Variants in ALPK2 observed in about 807,000 individuals in gnomAD.
The protein encoded by ALPK2 is alpha kinase 2.
ALPK2 carries 127 observed loss-of-function variants against 163.1 expected under a neutral mutation model. That is an observed-to-expected ratio of 0.78 (90% CI 0.67 to 0.90). ALPK2 has a LOEUF of 0.90. ALPK2 is among the 40% of genes least tolerant of loss of function. ALPK2 has a pLI of 0.00. For synonymous variants in ALPK2, 953 were observed against 959.1 expected, an observed-to-expected ratio of 0.99 and a Z score of 0.12; for missense variants, 2,360 against 2,589.6, an observed-to-expected ratio of 0.91 and a Z score of 1.92.
intron 10 of ALPK2, among the ~76,000 whole-genome samples, chr18:58,513,474 C>T (rs1017338512): frequency 2.0e-5 from 3 of 152,194 alleles, no homozygotes; most frequent in Non-Finnish European, 4.4e-5. Flanking sequence ...GGCCTATTTA[C>T]TGTGATGCTA....
chr18:58,552,516 A>C (rs1021979742), intron 4 of ALPK2, among the ~76,000 whole-genome samples: 2 of 152,248 alleles, frequency 1.3e-5, no homozygotes, highest in East Asian at 3.8e-4. Context: ...AGAAGGGACA[A>C]GTGTATCAAG....
At chr18:58,603,000 C>T (rs551376828) in intron 3 of ALPK2, among the ~76,000 whole-genome samples, 2 of 152,326 alleles carry the variant, frequency 1.3e-5, no homozygotes, top group East Asian at 3.9e-4. Context: ...AGGAGGCACC[C>T]TCAGTTCCAG....
chr18:58,607,350 G>A lies in ALPK2; in HGVS notation c.199C>T (p.Gln67Ter). 1 of 1,613,272 alleles carries A rather than the reference G, an allele frequency of 6.2e-7. No individual in the cohort carries two copies. The highest frequency in any genetic ancestry group is 8.5e-7 in the Non-Finnish European group (1 of 1,179,556). ...IISNYEFFENQYIHVLHLSCC... is the reference protein window; with the variant it reads ...IISNYEFFEN ...GAGAGATGTAACACATGAATATACT[G>A]ATTCTCAAAGAATTCATAGTTGGAA... Residue 67 changes from glutamine (Q) to a stop codon, truncating the protein, a stop_gained, in exon 3 of 13, where the codon CAG becomes TAG. Coordinates refer to ENST00000361673, the MANE Select transcript of ALPK2 (RefSeq NM_052947.4). LOFTEE classifies it high-confidence loss of function.
chr18:58,522,848 A>G (rs1037138741), intron 8 of ALPK2, among the ~76,000 whole-genome samples: 1 of 152,114 alleles, frequency 6.6e-6, no homozygotes, highest in African/African-American at 2.4e-5. Flanking sequence ...ATGAACTTAC[A>G]ATAGGAAGTA....
intron 3 of ALPK2, among the ~76,000 whole-genome samples, chr18:58,600,186 G>A (rs543246492): frequency 3.9e-5 from 6 of 151,994 alleles, no homozygotes; most frequent in African/African-American, 7.2e-5. Flanking sequence ...ACAGGCTCAC[G>A]CCACCATGCT....
intron 4 of ALPK2, among the ~76,000 whole-genome samples, chr18:58,543,959 C>T (rs2051704486): frequency 6.6e-6 from 1 of 152,190 alleles, no homozygotes; most frequent in African/African-American, 2.4e-5. Context: ...TTCTAAGCTC[C>T]TGAAACACTT....
In ALPK2 at chr18:58,549,693, A is replaced by G. The variant is rs571253844; in HGVS notation, c.1963-11469T>C. 5.9e-5 allele frequency among the ~76,000 whole-genome samples: 9 copies of G among 152,280 alleles called. No individual in the cohort carries two copies. The South Asian group carries it at 1.9e-3, about 32-fold the overall frequency. On this transcript the variant is annotated intron_variant, in intron 4 of 12. Transcript: ENST00000361673. ...GGGCCCCCAATCAGGGATGTGGGAG[A>G]TGAGTGGAAAATAACAAAATTTTCT...
rs1602207398 is a variant in ALPK2 at position 58,537,417 on chromosome 18, T to C, written c.2770A>G (p.Thr924Ala). 6.2e-7 allele frequency: 1 copy of C among 1,613,544 alleles called. No homozygotes were observed. Among genetic ancestry groups the C allele is most frequent in the East Asian group, 2.2e-5 (1 of 44,836 alleles). Residue 924 changes from threonine (T) to alanine (A), a missense_variant, in exon 5 of 13, where the codon ACA becomes GCA. Transcript: ENST00000361673. ...VENSTYPLAS[T>A]VHAGQEQPSP... is the part of the protein sequence containing the mutation. ...GGCTGCTCCTGGCCAGCATGTACTGTGGAGGCCAGTGGGTAGGTGGAATTC... is the reference window on the plus strand; with the variant it reads ...GGCTGCTCCTGGCCAGCATGTACTGCGGAGGCCAGTGGGTAGGTGGAATTC...
At chr18:58,612,651 A>G (rs1187863637) in intron 1 of ALPK2, among the ~76,000 whole-genome samples, 1 of 152,148 alleles carries the variant, frequency 6.6e-6, no homozygotes, top group Non-Finnish European at 1.5e-5. Context: ...GTAAGACACC[A>G]CTGGAGCTTT....
chr18:58,517,119 A>G lies in ALPK2; in HGVS notation c.5729T>C (p.Phe1910Ser), dbSNP rs1201859760. The stretch of plus-strand genomic sequence containing the variant: ...GATCTGACCACGCAGGCGGCCCCCA[A>G]AGTAGCTGTCATGGAGGAAGTCTTC... ...FKEDFLHDSY[F>S]GGRLRGQIAT... Residue 1910 changes from phenylalanine to serine, a missense_variant, in exon 9 of 13, where the codon TTT becomes TCT. Coordinates refer to ENST00000361673, the MANE Select transcript of ALPK2 (RefSeq NM_052947.4). 1.9e-6 allele frequency: 3 copies of G among 1,614,198 alleles called. No homozygotes were observed. The highest frequency in any genetic ancestry group is 1.3e-5 in the African/African-American group (1 of 75,054).
At chr18:58,561,511 A>G (rs1202618540) in intron 4 of ALPK2, among the ~76,000 whole-genome samples, 1 of 152,216 alleles carries the variant, frequency 6.6e-6, no homozygotes, top group Non-Finnish European at 1.5e-5. Flanking sequence ...AAGTGGATGC[A>G]GTTAGTTTAT....
intron 1 of ALPK2, among the ~76,000 whole-genome samples, chr18:58,621,871 A>C (rs528865617): frequency 2.0e-4 from 31 of 152,256 alleles, no homozygotes; most frequent in African/African-American, 7.5e-4. Context: ...TGGGTGCACA[A>C]TTTGTCACAC....
At chr18:58,507,401 TG>T (rs1186783183) in intron 10 of ALPK2, among the ~76,000 whole-genome samples, 1 of 152,152 alleles carries the variant, frequency 6.6e-6, no homozygotes, top group Admixed American at 6.5e-5. Context: ...TAAAGGTAAT[TG>T]TGTAGAATAA....
At chr18:58,545,434 AG>A (rs2051712615) in intron 4 of ALPK2, among the ~76,000 whole-genome samples, 1 of 152,214 alleles carries the variant, frequency 6.6e-6, no homozygotes, top group South Asian at 2.1e-4. Flanking sequence ...CCGTAGAGCA[AG>A]GGGTGTGGTC....
chr18:58,558,394 A>C (rs1233849077), intron 4 of ALPK2, among the ~76,000 whole-genome samples: 4 of 152,244 alleles, frequency 2.6e-5, no homozygotes, highest in Non-Finnish European at 5.9e-5. Flanking sequence ...ATTAAAGTTC[A>C]CTTCACCTGT....
chr18:58,496,881 C>T (rs4940398), intron 12 of ALPK2, among the ~76,000 whole-genome samples: 21,264 of 152,126 alleles, frequency 0.14, 1,726 homozygotes, highest in East Asian at 0.39. Context: ...CCCTAATACC[C>T]CCTCTGTGGT....
chr18:58,557,346 G>A (rs562007029), intron 4 of ALPK2, among the ~76,000 whole-genome samples: 3 of 152,236 alleles, frequency 2.0e-5, no homozygotes, highest in African/African-American at 4.8e-5. Flanking sequence ...GGTGGGGGAG[G>A]CGTGTCATTA....
chr18:58,513,058 C>T (rs1456032766), intron 10 of ALPK2, among the ~76,000 whole-genome samples: 2 of 101,584 alleles, frequency 2.0e-5, no homozygotes, highest in African/African-American at 7.8e-5. Flanking sequence ...TGTGTTTGTG[C>T]ATATGGTGAG....
At chr18:58,611,182 G>A (rs2052128626) in intron 2 of ALPK2, among the ~76,000 whole-genome samples, 1 of 151,818 alleles carries the variant, frequency 6.6e-6, no homozygotes. Context: ...GGAGGCTGAG[G>A]CAGGAGAATA....
Sources: allele counts gnomAD v4.1 joint callset (sites outside exome capture counted in the v4.1 genomes callset), GRCh38; gene constraint gnomAD v4.1.1; transcripts MANE v1.5; gene names NCBI Gene and HGNC (gene_info 2026-07-23, HGNC 2026-07-21).